The following PACRG variants were observed in gnomAD, a reference collection of about 807,000 sequenced individuals.
PACRG encodes parkin coregulated gene protein.
Under a neutral mutation model 29.7 loss-of-function variants are expected in PACRG, and 29 were observed. That is an observed-to-expected ratio of 0.98 (90% CI 0.73 to 1.33). The LOEUF is 1.33. Ranked by LOEUF, PACRG falls within the 40% of genes most tolerant of loss-of-function variation. The pLI, the probability that PACRG is intolerant of heterozygous loss-of-function variation, is 0.00. For synonymous variants in PACRG, 116 were observed against 118.7 expected, an observed-to-expected ratio of 0.98 and a Z score of 0.15; for missense variants, 279 against 316.2, an observed-to-expected ratio of 0.88 and a Z score of 0.89.
chr6:162,805,362 A>G (rs1250766253), intron 1 of PACRG, among the ~76,000 whole-genome samples: 1 of 152,184 alleles, frequency 6.6e-6, no homozygotes, highest in Non-Finnish European at 1.5e-5. Context: ...TACCATAATT[A>G]AAAATACTGC....
chr6:162,869,932 T>C (rs1364495065), intron 2 of PACRG, among the ~76,000 whole-genome samples: 3 of 152,196 alleles, frequency 2.0e-5, no homozygotes, highest in Non-Finnish European at 4.4e-5. Context: ...TGCTATTTTT[T>C]CTTGGTTGCT....
intron 4 of PACRG, among the ~76,000 whole-genome samples, chr6:163,107,438 C>T (rs1376501474): frequency 1.3e-5 from 2 of 152,148 alleles, no homozygotes; most frequent in Non-Finnish European, 2.9e-5. Flanking sequence ...GGTGGTGGAT[C>T]CCAGTTGAGT....
chr6:162,969,255 C>A (rs4541724), intron 2 of PACRG, among the ~76,000 whole-genome samples: 1 of 151,848 alleles, frequency 6.6e-6, no homozygotes, highest in Non-Finnish European at 1.5e-5. Flanking sequence ...GACAGAAAAC[C>A]GAGAGTTACT....
intron 2 of PACRG, chr6:162,957,130 A>C (rs1172796881): frequency 9.7e-6 from 2 of 205,882 alleles, no homozygotes; most frequent in African/African-American, 4.6e-5. Flanking sequence ...CATGTCTGAG[A>C]CTCACTAGAA....
At chr6:162,743,672 A>G (rs1562552329) in intron 1 of PACRG, among the ~76,000 whole-genome samples, 1 of 151,698 alleles carries the variant, frequency 6.6e-6, no homozygotes. Flanking sequence ...GAGTTTTTGA[A>G]TTATTTATTT....
rs113764258 is a variant in PACRG at position 163,158,456 on chromosome 6, ATTTT to A, written c.613+69050_613+69053del. On this transcript the variant is annotated intron_variant, in intron 4 of 4. Transcript: ENST00000366888. The stretch of plus-strand genomic sequence containing the variant: ...TGAACCCTTAAAGATCAAAGCTTCC[ATTTT>A]TATGCAAATAGCCAAGAGCAATAAA... Among the ~76,000 whole-genome samples, 994 of 152,286 alleles carry A rather than the reference ATTTT, an allele frequency of 6.5e-3. 11 individuals carry two copies. The highest frequency in any genetic ancestry group is 0.023 in the African/African-American group (950 of 41,572).
chr6:163,296,349 G>A lies in PACRG; in HGVS notation c.614-18478G>A, dbSNP rs150864341. ...CCTGTCGCCCAGGCCAGGCTGGAGT[G>A]CAGTAGCACAATCTCGGCTCACTGC... On this transcript the variant is annotated intron_variant, in intron 4 of 4. Transcript: ENST00000366888. Among the ~76,000 whole-genome samples the A allele has an allele frequency of 5.1e-3, 770 of 152,224 alleles. 5 individuals carry two copies. The highest frequency in any genetic ancestry group is 0.018 in the African/African-American group (730 of 41,536).
At chr6:162,800,153 T>A (rs1388833507) in intron 1 of PACRG, among the ~76,000 whole-genome samples, 1 of 152,228 alleles carries the variant, frequency 6.6e-6, no homozygotes. Flanking sequence ...GAACTGCACT[T>A]GGGCACTTAA....
chr6:162,791,978 C>G (rs2128327703), intron 1 of PACRG, among the ~76,000 whole-genome samples: 2 of 152,234 alleles, frequency 1.3e-5, no homozygotes, highest in Admixed American at 1.3e-4. Flanking sequence ...TATGTTATTT[C>G]TATTCAATGA....
chr6:162,794,095 T>C (rs544641704), intron 1 of PACRG, among the ~76,000 whole-genome samples: 82 of 152,296 alleles, frequency 5.4e-4, no homozygotes, highest in Non-Finnish European at 1.0e-3. Context: ...CTAGCAGGAA[T>C]GAGACTTCCC....
chr6:162,733,238 AC>A (rs1779910059), intron 1 of PACRG, among the ~76,000 whole-genome samples: 1 of 152,082 alleles, frequency 6.6e-6, no homozygotes, highest in Admixed American at 6.5e-5. Context: ...CCTTCCTGTC[AC>A]CCACATAGAA....
At chr6:163,247,968 A>G (rs1782755694) in intron 4 of PACRG, among the ~76,000 whole-genome samples, 1 of 152,230 alleles carries the variant, frequency 6.6e-6, no homozygotes, top group South Asian at 2.1e-4. Context: ...ACACAACTGC[A>G]TGTTGACGAA....
intron 4 of PACRG, among the ~76,000 whole-genome samples, chr6:163,103,616 AACAAT>A (rs1394768548): frequency 4.6e-5 from 7 of 152,336 alleles, no homozygotes; most frequent in African/African-American, 1.4e-4. Context: ...GTCCTTTCAC[AACAAT>A]ACCTTGATTC....
intron 1 of PACRG, among the ~76,000 whole-genome samples, chr6:162,775,615 A>G (rs988402496): frequency 9.9e-5 from 15 of 152,218 alleles, no homozygotes; most frequent in Non-Finnish European, 1.5e-4. Context: ...ATTTATTTAC[A>G]TATCTATTTT....
intron 4 of PACRG, among the ~76,000 whole-genome samples, chr6:163,223,629 A>G (rs1230526519): frequency 6.6e-6 from 1 of 152,198 alleles, no homozygotes; most frequent in East Asian, 1.9e-4. Context: ...GCCTAAATCA[A>G]GGGTTACAGG....
chr6:162,775,732 G>T (rs963954074), intron 1 of PACRG, among the ~76,000 whole-genome samples: 6 of 152,174 alleles, frequency 3.9e-5, no homozygotes, highest in Non-Finnish European at 7.4e-5. Context: ...AGCAGATTCT[G>T]TATATCAGCT....
chr6:163,032,131 T>C (rs185162500), intron 2 of PACRG, among the ~76,000 whole-genome samples: 57 of 152,330 alleles, frequency 3.7e-4, no homozygotes, highest in Non-Finnish European at 7.4e-4. Context: ...ATGCTCCAGA[T>C]TTTGTTTACA....
intron 4 of PACRG, among the ~76,000 whole-genome samples, chr6:163,277,332 T>C (rs1367075980): frequency 6.6e-6 from 1 of 151,908 alleles, no homozygotes; most frequent in African/African-American, 2.4e-5. Flanking sequence ...TTAGCTCCCA[T>C]GTATGAGTGA....
At chr6:163,297,347 G>A (rs535612463) in intron 4 of PACRG, among the ~76,000 whole-genome samples, 16 of 152,332 alleles carry the variant, frequency 1.1e-4, no homozygotes, top group East Asian at 7.7e-4. Context: ...AAGGAGGCTC[G>A]TGTTGCAGCT....
Sources: gnomAD v4.1 joint callset for allele counts (sites outside exome capture counted in the v4.1 genomes callset) on GRCh38, gnomAD v4.1.1 for gene constraint, MANE v1.5 for transcripts, NCBI Gene and HGNC (gene_info 2026-07-23, HGNC 2026-07-21) for gene names.